The following SGCZ variants were observed in gnomAD, a reference collection of about 807,000 sequenced individuals.
The protein encoded by SGCZ is zeta-sarcoglycan.
Under a neutral mutation model 41.3 loss-of-function variants are expected in SGCZ, and 40 were observed. The ratio of observed to expected loss-of-function variants is 0.97; its 90% CI spans 0.75 to 1.26. SGCZ has a LOEUF of 1.26. Among genes scored for constraint, SGCZ ranks in the 50% most tolerant of loss-of-function variants. SGCZ has a pLI of 0.00. For synonymous variants in SGCZ, 206 were observed against 137.5 expected, an observed-to-expected ratio of 1.50 and a Z score of -3.49; for missense variants, 552 against 369.8, an observed-to-expected ratio of 1.49 and a Z score of -4.04.
At chr8:14,601,902 C>T (rs553015882) in intron 1 of SGCZ, among the ~76,000 whole-genome samples, 13 of 152,154 alleles carry the variant, frequency 8.5e-5, no homozygotes, top group South Asian at 6.2e-4. Context: ...GGGCGGATCA[C>T]GAGGTCAGGA....
chr8:14,518,744 A>T (rs1236071172), intron 2 of SGCZ, among the ~76,000 whole-genome samples: 1 of 151,676 alleles, frequency 6.6e-6, no homozygotes, highest in Non-Finnish European at 1.5e-5. Flanking sequence ...ATCCCTTATC[A>T]CCCATCAAGA....
chr8:14,226,630 G>C (rs142031394), intron 4 of SGCZ, among the ~76,000 whole-genome samples: 1 of 152,072 alleles, frequency 6.6e-6, no homozygotes, highest in African/African-American at 2.4e-5. Flanking sequence ...GTTGACTCCC[G>C]TTGTTGGCAA....
chr8:14,313,211 A>C (rs1379641287), intron 3 of SGCZ, among the ~76,000 whole-genome samples: 1 of 152,350 alleles, frequency 6.6e-6, no homozygotes, highest in East Asian at 1.9e-4. Flanking sequence ...TTCAGCAATT[A>C]ATACTTGAAA....
At chr8:14,947,639 C>A (rs555701706) in intron 1 of SGCZ, among the ~76,000 whole-genome samples, 190 of 152,212 alleles carry the variant, frequency 1.2e-3, no homozygotes, top group African/African-American at 3.8e-3. Context: ...AAGCTATGGG[C>A]CATGAGCAAG....
At chr8:14,839,810 G>T (rs1427155655) in intron 1 of SGCZ, among the ~76,000 whole-genome samples, 1 of 152,060 alleles carries the variant, frequency 6.6e-6, no homozygotes, top group East Asian at 1.9e-4. Flanking sequence ...AGTTATTTAT[G>T]TATCTATTAC....
At chr8:14,742,706 T>C (rs1011694896) in intron 1 of SGCZ, among the ~76,000 whole-genome samples, 1 of 152,198 alleles carries the variant, frequency 6.6e-6, no homozygotes, top group Non-Finnish European at 1.5e-5. Context: ...AAGATGCTCA[T>C]TGATACAAAT....
Position 14,655,065 on chromosome 8 carries a change from G to A in SGCZ, c.40-100139C>T, listed in dbSNP as rs145255528. Among the ~76,000 whole-genome samples, 459 of 152,092 alleles carry A rather than the reference G, an allele frequency of 3.0e-3. 2 individuals carry two copies. Among genetic ancestry groups the A allele is most frequent in the African/African-American group, 0.01 (432 of 41,470 alleles). ...ATTTTTTTCCCCAGAGCAATTTTGG[G>A]TTCTTTCAAAAATGTGTAAATATTG... On this transcript the variant is annotated intron_variant, in intron 1 of 7. Transcript: ENST00000382080.
intron 1 of SGCZ, among the ~76,000 whole-genome samples, chr8:15,232,567 T>G (rs1435134648): frequency 6.6e-6 from 1 of 151,710 alleles, no homozygotes; most frequent in African/African-American, 2.4e-5. Flanking sequence ...CTACTGTAAC[T>G]TGAATTTCAA....
Position 15,177,925 on chromosome 8 carries a change from T to G in SGCZ, c.39+59660A>C, listed in dbSNP as rs538731641. On this transcript the variant is annotated intron_variant, in intron 1 of 7. Transcript: ENST00000382080. ...CCTCCTGATATACCCAGAACAGCCA[T>G]TGCCCTGTAGGCCTCACCACTTCCT... is the stretch of plus-strand genomic sequence containing the variant. 1.9e-4 allele frequency among the ~76,000 whole-genome samples: 29 copies of G among 152,290 alleles called. 1 individual carries two copies. The highest frequency in any genetic ancestry group is 6.2e-4 in the South Asian group (3 of 4,828).
intron 1 of SGCZ, among the ~76,000 whole-genome samples, chr8:14,885,670 C>T (rs1443348444): frequency 6.6e-6 from 1 of 151,904 alleles, no homozygotes; most frequent in African/African-American, 2.4e-5. Flanking sequence ...GTGCCTGGCA[C>T]ACAGAAAAGG....
intron 1 of SGCZ, among the ~76,000 whole-genome samples, chr8:15,097,425 A>T (rs1214329956): frequency 6.6e-6 from 1 of 151,994 alleles, no homozygotes; most frequent in African/African-American, 2.4e-5. Context: ...ACCTCCACTT[A>T]AAACATTTAT....
Position 14,606,081 on chromosome 8 carries a change from A to G in SGCZ, c.40-51155T>C, listed in dbSNP as rs187099828. Among the ~76,000 whole-genome samples the G allele has an allele frequency of 2.8e-4, 43 of 152,194 alleles. 2 individuals are homozygous for G. The East Asian group carries it at 8.3e-3, about 29-fold the overall frequency. ...ATTACACCTTTAAAATATAACACTA[A>G]TATATCCATATTTCTCCAACTTTTC... On this transcript the variant is annotated intron_variant, in intron 1 of 7. Transcript: ENST00000382080.
At chr8:14,102,091 TATATATATATATAA>T (rs1802043099) in intron 7 of SGCZ, among the ~76,000 whole-genome samples, 2 of 93,290 alleles carry the variant, frequency 2.1e-5, no homozygotes, top group Non-Finnish European at 2.0e-5. Flanking sequence ...TATATATATA[TATATATATATATAA>T]TTTTTTTTTT....
intron 2 of SGCZ, among the ~76,000 whole-genome samples, chr8:14,358,450 T>C (rs1293575767): frequency 2.6e-5 from 4 of 152,138 alleles, no homozygotes; most frequent in Non-Finnish European, 5.9e-5. Flanking sequence ...TGTCACCAGA[T>C]GGTAACGCAA....
At chr8:14,965,156 T>C (rs1381590870) in intron 1 of SGCZ, among the ~76,000 whole-genome samples, 1 of 152,128 alleles carries the variant, frequency 6.6e-6, no homozygotes, top group Non-Finnish European at 1.5e-5. Flanking sequence ...GACAAATCTC[T>C]GCGGCCATAG....
intron 1 of SGCZ, among the ~76,000 whole-genome samples, chr8:14,662,512 A>G (rs1298169062): frequency 6.6e-6 from 1 of 152,182 alleles, no homozygotes; most frequent in African/African-American, 2.4e-5. Flanking sequence ...TGTAAAGAAT[A>G]TGAGCTTAGT....
At chr8:14,824,718 C>T (rs1290452428) in intron 1 of SGCZ, among the ~76,000 whole-genome samples, 1 of 152,016 alleles carries the variant, frequency 6.6e-6, no homozygotes, top group Admixed American at 6.6e-5. Flanking sequence ...ATTTCACTGC[C>T]TATGCTACCT....
At chr8:15,087,340 C>T (rs1267050051) in intron 1 of SGCZ, among the ~76,000 whole-genome samples, 2 of 152,038 alleles carry the variant, frequency 1.3e-5, no homozygotes, top group African/African-American at 2.4e-5. Flanking sequence ...TTCCTGTGTA[C>T]ATCTCAGCAC....
chr8:14,418,813 A>G (rs930878916), intron 2 of SGCZ, among the ~76,000 whole-genome samples: 1 of 152,106 alleles, frequency 6.6e-6, no homozygotes, highest in Admixed American at 6.6e-5. Context: ...ATTGCTATAC[A>G]TAGTCCAAAA....
Sources: allele counts gnomAD v4.1 joint callset (sites outside exome capture counted in the v4.1 genomes callset), GRCh38; gene constraint gnomAD v4.1.1; transcripts MANE v1.5; gene names NCBI Gene and HGNC (gene_info 2026-07-23, HGNC 2026-07-21).